The following TMEM108 variants were observed in gnomAD, a reference collection of about 807,000 sequenced individuals.
TMEM108 encodes the protein transmembrane protein 108, also known as cancer/testis antigen 124.
A neutral mutation model predicts 35.1 loss-of-function variants in TMEM108; 12 were observed. The ratio of observed to expected loss-of-function variants is 0.34; its 90% CI spans 0.22 to 0.55. The LOEUF (loss-of-function observed/expected upper bound fraction) is 0.55, where lower values mean the gene tolerates loss of function less well. Ranked by LOEUF, TMEM108 falls within the 20% of genes least tolerant of loss-of-function variation. The probability of loss-of-function intolerance (pLI) is 0.89; values close to 1 mark genes in which losing one functional copy is unlikely to be tolerated. For synonymous variants in TMEM108, 287 were observed against 308.6 expected (o/e 0.93, Z 0.73); for missense variants, 680 against 753.3 (o/e 0.90, Z 1.14).
intron 2 of TMEM108, among the ~76,000 whole-genome samples, chr3:133,159,107 C>A (rs1944923690): frequency 6.6e-6 from 1 of 152,220 alleles, no homozygotes; most frequent in Non-Finnish European, 1.5e-5. Context: ...CTCCCCACAT[C>A]TTCACTCATG....
At chr3:133,264,245 C>T (rs1393049400) in intron 3 of TMEM108, among the ~76,000 whole-genome samples, 1 of 151,900 alleles carries the variant, frequency 6.6e-6, no homozygotes, top group Non-Finnish European at 1.5e-5. Context: ...TTTGAGGCTG[C>T]AGTGAACTAT....
chr3:133,110,563 G>A (rs1357654606), intron 2 of TMEM108, among the ~76,000 whole-genome samples: 1 of 150,282 alleles, frequency 6.7e-6, no homozygotes, highest in African/African-American at 2.4e-5. Flanking sequence ...GAAGTGTCGA[G>A]TTGCTGGGTG....
intron 2 of TMEM108, among the ~76,000 whole-genome samples, chr3:133,180,453 G>A (rs143044771): frequency 6.6e-6 from 1 of 151,844 alleles, no homozygotes; most frequent in East Asian, 1.9e-4. Flanking sequence ...ATAATAAAGG[G>A]TTTTATTTTC....
chr3:133,079,179 G>T (rs1020803533), intron 2 of TMEM108, among the ~76,000 whole-genome samples: 1 of 152,168 alleles, frequency 6.6e-6, no homozygotes, highest in Admixed American at 6.5e-5. Flanking sequence ...TGTTCCCTGT[G>T]TGTAAAGAGG....
At chr3:133,220,416 A>G (rs1945973358) in intron 2 of TMEM108, among the ~76,000 whole-genome samples, 1 of 152,116 alleles carries the variant, frequency 6.6e-6, no homozygotes, top group African/African-American at 2.4e-5. Context: ...AGCTAGGACT[A>G]CAGGTGTGCA....
At chr3:133,387,160 GGAGAACAAGAA>G in intron 4 of TMEM108, 5 of 985,416 alleles carry the variant, frequency 5.1e-6, no homozygotes, top group Non-Finnish European at 6.0e-6. Context: ...GAGGATGTTG[GGAGAACAAGAA>G]GAGAACTGTC....
intron 3 of TMEM108, among the ~76,000 whole-genome samples, chr3:133,288,371 T>C (rs752159366): frequency 6.6e-6 from 1 of 152,212 alleles, no homozygotes; most frequent in Non-Finnish European, 1.5e-5. Flanking sequence ...AGAATATTTC[T>C]ACCCAGAACA....
intron 2 of TMEM108, among the ~76,000 whole-genome samples, chr3:133,074,022 T>G (rs977495486): frequency 2.6e-5 from 4 of 152,116 alleles, no homozygotes; most frequent in African/African-American, 9.7e-5. Flanking sequence ...TCATTGAGAT[T>G]CATAGAGATT....
At chr3:133,342,184 G>A (rs1920022) in intron 3 of TMEM108, among the ~76,000 whole-genome samples, 2 of 151,190 alleles carry the variant, frequency 1.3e-5, no homozygotes, top group Non-Finnish European at 3.0e-5. Flanking sequence ...AACTCCATAG[G>A]AAAAAAATCT....
chr3:133,111,767 C>A (rs1266855069), intron 2 of TMEM108, among the ~76,000 whole-genome samples: 2 of 152,118 alleles, frequency 1.3e-5, no homozygotes, highest in African/African-American at 2.4e-5. Flanking sequence ...GTTCTTCATA[C>A]CTTACAGTCT....
intron 3 of TMEM108, among the ~76,000 whole-genome samples, chr3:133,236,416 T>G (rs1256956417): frequency 6.6e-6 from 1 of 152,114 alleles, no homozygotes; most frequent in Non-Finnish European, 1.5e-5. Context: ...TTTTCTGCCA[T>G]CTTTACCTGG....
intron 2 of TMEM108, among the ~76,000 whole-genome samples, chr3:133,131,460 T>C (rs1266925093): frequency 6.7e-6 from 1 of 149,660 alleles, no homozygotes; most frequent in Non-Finnish European, 1.5e-5. Flanking sequence ...TTTCAAACTT[T>C]TAAATTTTAT....
intron 2 of TMEM108, among the ~76,000 whole-genome samples, chr3:133,100,419 G>A (rs927695696): frequency 1.3e-5 from 2 of 152,128 alleles, no homozygotes; most frequent in African/African-American, 4.8e-5. Context: ...TGGCAATATG[G>A]TGAAACGCTG....
intron 2 of TMEM108, among the ~76,000 whole-genome samples, chr3:133,206,742 C>T (rs1008812289): frequency 6.6e-6 from 1 of 152,220 alleles, no homozygotes; most frequent in African/African-American, 2.4e-5. Flanking sequence ...CTGTCGACCC[C>T]TGCTGTGAAG....
chr3:133,104,182 A>G (rs1266120205), intron 2 of TMEM108, among the ~76,000 whole-genome samples: 2 of 152,176 alleles, frequency 1.3e-5, no homozygotes, highest in African/African-American at 4.8e-5. Flanking sequence ...TTCTCTACCT[A>G]TAAAATGGGA....
intron 5 of TMEM108, among the ~76,000 whole-genome samples, chr3:133,393,901 C>G (rs1230069119): frequency 6.6e-6 from 1 of 152,218 alleles, no homozygotes; most frequent in Non-Finnish European, 1.5e-5. Context: ...AATCCAGAGG[C>G]TCTGGTAGAA....
At chr3:133,040,214 T>G (rs953137971) in intron 1 of TMEM108, among the ~76,000 whole-genome samples, 7 of 150,354 alleles carry the variant, frequency 4.7e-5, no homozygotes, top group African/African-American at 1.7e-4. Context: ...TTGTTTTTTT[T>G]TTTTTTTGAG....
At chr3:133,072,178 A>C (rs1943683937) in intron 2 of TMEM108, among the ~76,000 whole-genome samples, 1 of 152,154 alleles carries the variant, frequency 6.6e-6, no homozygotes, top group South Asian at 2.1e-4. Context: ...GATCATTAGG[A>C]GAATCCTGAT....
intron 3 of TMEM108, among the ~76,000 whole-genome samples, chr3:133,278,452 G>T (rs1946867332): frequency 6.6e-6 from 1 of 152,178 alleles, no homozygotes; most frequent in Non-Finnish European, 1.5e-5. Flanking sequence ...GTGTGTAGGT[G>T]ATTTCATCAT....
Sources: gnomAD v4.1 joint callset for allele counts (sites outside exome capture counted in the v4.1 genomes callset) on GRCh38, gnomAD v4.1.1 for gene constraint, MANE v1.5 for transcripts, NCBI Gene and HGNC (gene_info 2026-07-23, HGNC 2026-07-21) for gene names.